Variants in YME1L1 observed in about 807,000 individuals in gnomAD.
The protein encoded by YME1L1 is YME1 like 1 ATPase.
Under a neutral mutation model 90.4 loss-of-function variants are expected in YME1L1, and 39 were observed. The ratio of observed to expected loss-of-function variants is 0.43; its 90% CI spans 0.33 to 0.56. The LOEUF (loss-of-function observed/expected upper bound fraction) is 0.56. YME1L1 is among the 20% of genes least tolerant of loss of function. The pLI, the probability that YME1L1 is intolerant of heterozygous loss-of-function variation, is 0.03. For synonymous variants in YME1L1, 284 were observed against 287.3 expected (o/e 0.99, Z 0.12); for missense variants, 617 against 868.4 (o/e 0.71, Z 3.64).
At chr10:27,135,429 T>C in intron 5 of YME1L1, among the ~76,000 whole-genome samples, 1 of 152,336 alleles carries the variant, frequency 6.6e-6, no homozygotes, top group East Asian at 1.9e-4. Flanking sequence ...GATATATAAA[T>C]AACTAAGTTT....
chr10:27,119,637 C>G (rs1172688408), intron 13 of YME1L1, among the ~76,000 whole-genome samples, 188 bp from the exon 14 acceptor site: 1 of 152,046 alleles, frequency 6.6e-6, no homozygotes. Flanking sequence ...GGTGAAACCC[C>G]ATCTCTACTA....
At chr10:27,141,950 A>T (rs1291740403) in intron 4 of YME1L1, among the ~76,000 whole-genome samples, 1 of 152,242 alleles carries the variant, frequency 6.6e-6, no homozygotes, top group Non-Finnish European at 1.5e-5. Flanking sequence ...ATATGAATAA[A>T]TGCAAATTTG....
Position 27,116,215 on chromosome 10 carries a change from T to C in YME1L1, c.1846+4A>G, listed in dbSNP as rs1354384751. On this transcript the variant is annotated splice_donor_region_variant and intron_variant, in intron 16 of 18. Transcript: ENST00000376016. ...TTGAACTAAAGCCATTCTTTAAAGC[T>C]AACCTGTTGTAATATGGTCGGTTCC... The C allele has an allele frequency of 6.2e-7, 1 of 1,614,206 alleles. No homozygotes were observed. Among genetic ancestry groups the C allele is most frequent in the East Asian group, 2.2e-5 (1 of 44,882 alleles).
chr10:27,153,432 TG>T (rs1440055115), intron 1 of YME1L1, among the ~76,000 whole-genome samples: 5 of 152,200 alleles, frequency 3.3e-5, no homozygotes, highest in African/African-American at 1.2e-4. Context: ...ACTATTTCTT[TG>T]CAAAACTGTA....
intron 3 of YME1L1, among the ~76,000 whole-genome samples, chr10:27,143,331 T>C (rs2057109448): frequency 6.6e-6 from 1 of 151,654 alleles, no homozygotes; most frequent in Non-Finnish European, 1.5e-5. Context: ...ATCGCGCCAT[T>C]GCACTCCCGC....
chr10:27,122,381 T>C (rs1483994786), intron 11 of YME1L1, among the ~76,000 whole-genome samples: 2 of 152,194 alleles, frequency 1.3e-5, no homozygotes, highest in Non-Finnish European at 2.9e-5. Context: ...CAAAATGTCT[T>C]ATATTGAGTT....
chr10:27,133,959 A>C lies in YME1L1; in HGVS notation c.775+80T>G, dbSNP rs191862087. ...GTAAACATTAATATGTTCTTTCTTT[A>C]AGGGTTAGATTAGGCATTAAAAGGA... is the stretch of plus-strand genomic sequence containing the variant. On this transcript the variant is annotated intron_variant, in intron 7 of 18. Coordinates refer to ENST00000376016, the MANE Select transcript of YME1L1 (RefSeq NM_014263.4). The C allele has an allele frequency of 3.1e-3, 2,957 of 963,874 alleles. 12 individuals carry two copies. Among genetic ancestry groups the C allele is most frequent in the Non-Finnish European group, 4.0e-3 (2,549 of 633,524 alleles). The allele number at this position is 963,874 out of a possible 1,614,324, so 59.7% of individuals were successfully genotyped here. A position where few individuals can be genotyped will look rare whatever the true frequency, so the allele number is the denominator to read the frequency against.
At chr10:27,145,702 T>C in intron 2 of YME1L1, 112 bp from the exon 3 acceptor site, 1 of 920,878 alleles carries the variant, frequency 1.1e-6, no homozygotes, top group Non-Finnish European at 1.5e-6. Flanking sequence ...ACAAATATAT[T>C]TCCTTTTTTT....
intron 8 of YME1L1, among the ~76,000 whole-genome samples, chr10:27,130,074 T>C (rs1004694728): frequency 6.6e-6 from 1 of 152,196 alleles, no homozygotes; most frequent in Admixed American, 6.5e-5. Flanking sequence ...CCACTGCAAT[T>C]GGAATTTAAC....
chr10:27,123,522 G>C (rs2056887031), intron 10 of YME1L1, 25 bp downstream of exon 10: 1 of 1,609,042 alleles, frequency 6.2e-7, no homozygotes, highest in South Asian at 1.1e-5. Flanking sequence ...ATTTAGCACT[G>C]CATCAAAGAT....
intron 8 of YME1L1, among the ~76,000 whole-genome samples, chr10:27,128,739 T>TATAAAAAAAA (rs2056945569): frequency 6.7e-6 from 1 of 149,864 alleles, no homozygotes; most frequent in Non-Finnish European, 1.5e-5. Context: ...ATCCCGACTC[T>TATAAAAAAAA]ACAAAAAAAA....
At chr10:27,127,237 G>A (rs2056929762) in intron 8 of YME1L1, among the ~76,000 whole-genome samples, 1 of 152,120 alleles carries the variant, frequency 6.6e-6, no homozygotes, top group South Asian at 2.1e-4. Flanking sequence ...ACAAAGTTAT[G>A]TTTTTTTGTT....
intron 7 of YME1L1, among the ~76,000 whole-genome samples, chr10:27,132,967 G>A (rs568815749): frequency 1.3e-5 from 2 of 152,272 alleles, no homozygotes; most frequent in African/African-American, 2.4e-5. Context: ...ACTTTGGTGT[G>A]AATAAAACTC....
rs2056812212 is a variant in YME1L1, at chr10:27,116,302, G to A, written c.1763C>T (p.Ala588Val). The change falls in exon 16 of 19, where the codon GCC (alanine) becomes GTC (valine). Residue 588 changes from alanine to valine, a missense_variant. This residue lies in a region of YME1L1 where 212 missense variants were observed against 330.0 expected (regional missense o/e 0.64). Coordinates refer to ENST00000376016, the MANE Select transcript of YME1L1 (RefSeq NM_014263.4). ...PENDRWNETR[A>V]QLLAQMDVSM... ...AACATCCATTTGTGCAAGCAGCTGG[G>A]CTCTAGTTTCATTCCATCTGTCATT... 1 of 1,614,054 alleles carries A rather than the reference G, an allele frequency of 6.2e-7. No homozygotes were observed. Among genetic ancestry groups the A allele is most frequent in the African/African-American group, 1.3e-5 (1 of 75,016 alleles).
chr10:27,132,324 C>T (rs1352237947), intron 7 of YME1L1, among the ~76,000 whole-genome samples: 2 of 151,800 alleles, frequency 1.3e-5, no homozygotes, highest in Non-Finnish European at 2.9e-5. Context: ...GTCTTGAACT[C>T]CTGACCTCAG....
At chr10:27,115,935 A>T (rs922220458) in intron 17 of YME1L1, 125 bp downstream of exon 17, 16 of 854,764 alleles carry the variant, frequency 1.9e-5, no homozygotes, top group Middle Eastern at 7.3e-4. Context: ...TTCAGAATAA[A>T]GAGCCTCAAA....
At chr10:27,125,923 C>T (rs1451861052) in intron 9 of YME1L1, among the ~76,000 whole-genome samples, 7 of 152,000 alleles carry the variant, frequency 4.6e-5, no homozygotes, top group Admixed American at 1.3e-4. Context: ...GTAATCCACC[C>T]GCCTCCACCT....
At chr10:27,136,156 T>A in intron 5 of YME1L1, 120 bp downstream of exon 5, 1 of 794,710 alleles carries the variant, frequency 1.3e-6, no homozygotes, top group Non-Finnish European at 2.0e-6. Flanking sequence ...ACTAATCCCT[T>A]ATTATTAGTG....
At chr10:27,153,409 C>A (rs2057254565) in intron 1 of YME1L1, 1 of 325,308 alleles carries the variant, frequency 3.1e-6, no homozygotes. Context: ...TAAAAAAACT[C>A]AATGTTTTAA....
Sources: gnomAD v4.1 joint callset for allele counts (sites outside exome capture counted in the v4.1 genomes callset) on GRCh38, gnomAD v4.1.1 for gene constraint, gnomAD v4.1.1 regional missense constraint, MANE v1.5 for transcripts, NCBI Gene and HGNC (gene_info 2026-07-23, HGNC 2026-07-21) for gene names.